The following PTPN14 variants were observed in gnomAD, a reference collection of about 807,000 sequenced individuals.
PTPN14 encodes tyrosine-protein phosphatase non-receptor type 14.
A neutral mutation model predicts 126.8 loss-of-function variants in PTPN14; 53 were observed. The ratio of observed to expected loss-of-function variants is 0.42; its 90% CI spans 0.34 to 0.53. PTPN14 has a LOEUF of 0.53. Among genes scored for constraint, PTPN14 ranks in the 20% least tolerant of loss-of-function variants. The pLI is 0.08. For synonymous variants in PTPN14, 630 were observed against 599.3 expected, an observed-to-expected ratio of 1.05 and a Z score of -0.75; for missense variants, 1,257 against 1,552.9, an observed-to-expected ratio of 0.81 and a Z score of 3.20.
intron 3 of PTPN14, among the ~76,000 whole-genome samples, chr1:214,419,774 C>G (rs941451676): frequency 1.3e-5 from 2 of 152,132 alleles, no homozygotes; most frequent in Non-Finnish European, 2.9e-5. Context: ...CTTAGATTGA[C>G]AGAGATACCC....
At chr1:214,405,658 C>T (rs74139868) in intron 5 of PTPN14, among the ~76,000 whole-genome samples, 3,561 of 150,350 alleles carry the variant, frequency 0.024, 148 homozygotes, top group African/African-American at 0.082. Flanking sequence ...ACACACTCTT[C>T]AACGGTCTTA....
intron 11 of PTPN14, among the ~76,000 whole-genome samples, chr1:214,389,246 A>G (rs1473171104): frequency 6.6e-6 from 1 of 152,242 alleles, no homozygotes; most frequent in Non-Finnish European, 1.5e-5. Context: ...AAAAAAAACC[A>G]ATAAGTAAGT....
At chr1:214,428,661 T>C (rs1659731734) in intron 3 of PTPN14, among the ~76,000 whole-genome samples, 2 of 152,194 alleles carry the variant, frequency 1.3e-5, no homozygotes. Flanking sequence ...AGATTAAGAA[T>C]GGCAAAGAGA....
At position 214,497,627 on chromosome 1, in the gene PTPN14, T is replaced by C. The variant is rs763882253; in HGVS notation, c.-154-32670A>G. Among the ~76,000 whole-genome samples, 13 of 145,328 alleles carry C rather than the reference T, an allele frequency of 8.9e-5. 1 individual carries two copies. Among genetic ancestry groups the C allele is most frequent in the African/African-American group, 7.7e-5 (3 of 39,122 alleles). ...AAGCCTATGGGACCTGGTGCAAAGG[T>C]ACAAAACATTTATAAGAACTAGAAT... On this transcript the variant is annotated intron_variant, in intron 1 of 18. Transcript: ENST00000366956.
At chr1:214,547,430 T>C (rs1427518916) in intron 1 of PTPN14, among the ~76,000 whole-genome samples, 1 of 152,226 alleles carries the variant, frequency 6.6e-6, no homozygotes, top group African/African-American at 2.4e-5. Flanking sequence ...TGTTCATTCC[T>C]TCTAACATTC....
intron 3 of PTPN14, among the ~76,000 whole-genome samples, chr1:214,433,766 T>C (rs907367521): frequency 1.3e-5 from 2 of 151,880 alleles, no homozygotes; most frequent in African/African-American, 4.8e-5. Flanking sequence ...TGTGGGTAAA[T>C]GGTACAAAGT....
intron 2 of PTPN14, among the ~76,000 whole-genome samples, chr1:214,459,306 C>T (rs1459804851): frequency 1.3e-5 from 2 of 151,858 alleles, no homozygotes; most frequent in Non-Finnish European, 2.9e-5. Flanking sequence ...GCATGCACCA[C>T]CTTGCCCGGG....
intron 1 of PTPN14, chr1:214,533,483 C>A: frequency 2.1e-6 from 1 of 470,192 alleles, no homozygotes. Context: ...CCAGCAGAAG[C>A]AGGGTACCCT....
intron 17 of PTPN14, among the ~76,000 whole-genome samples, chr1:214,367,993 A>G (rs11120305): frequency 0.47 from 72,127 of 151,918 alleles, 17,407 homozygotes; most frequent in Non-Finnish European, 0.52. Context: ...ACCACATTCT[A>G]AAAGTACACA....
chr1:214,450,484 AAAAAG>A (rs1302578673), intron 3 of PTPN14, among the ~76,000 whole-genome samples: 1 of 133,472 alleles, frequency 7.5e-6, no homozygotes, highest in Non-Finnish European at 1.7e-5. Flanking sequence ...ATTAAAAAAA[AAAAAG>A]AAAAAGAAAA....
intron 5 of PTPN14, among the ~76,000 whole-genome samples, 195 bp downstream of exon 5, chr1:214,411,489 T>C (rs1277380309): frequency 6.6e-6 from 1 of 152,092 alleles, no homozygotes; most frequent in Non-Finnish European, 1.5e-5. Context: ...AAAAAGAAAT[T>C]AGGGAAGTGT....
At chr1:214,465,294 T>C (rs567188739) in intron 1 of PTPN14, among the ~76,000 whole-genome samples, 2 of 152,300 alleles carry the variant, frequency 1.3e-5, no homozygotes, top group South Asian at 2.1e-4. Flanking sequence ...CGTTTTTCAC[T>C]ATGCAATGCT....
At chr1:214,418,847 A>T (rs952972622) in intron 3 of PTPN14, among the ~76,000 whole-genome samples, 1 of 152,228 alleles carries the variant, frequency 6.6e-6, no homozygotes, top group African/African-American at 2.4e-5. Flanking sequence ...AAGGAAGGGA[A>T]AGAAGACTGA....
intron 1 of PTPN14, among the ~76,000 whole-genome samples, chr1:214,519,226 G>T (rs2102454206): frequency 6.6e-6 from 1 of 152,232 alleles, no homozygotes; most frequent in South Asian, 2.1e-4. Flanking sequence ...CTGAGATCAT[G>T]ACACCGCACT....
At chr1:214,517,614 T>A (rs986736985) in intron 1 of PTPN14, among the ~76,000 whole-genome samples, 5 of 151,594 alleles carry the variant, frequency 3.3e-5, no homozygotes, top group African/African-American at 1.2e-4. Flanking sequence ...TGAGATGACA[T>A]GGAAAGAAAA....
At chr1:214,381,373 C>G (rs572636899) in intron 13 of PTPN14, among the ~76,000 whole-genome samples, 2 of 152,304 alleles carry the variant, frequency 1.3e-5, no homozygotes, top group Middle Eastern at 3.4e-3. Context: ...CATTTTCTAC[C>G]AATAAATTGC....
chr1:214,469,657 G>A (rs1422664877), intron 1 of PTPN14, among the ~76,000 whole-genome samples: 2 of 149,854 alleles, frequency 1.3e-5, no homozygotes, highest in African/African-American at 4.9e-5. Flanking sequence ...TATATTTACT[G>A]TAATTTTTTT....
At position 214,352,191 on chromosome 1, in the gene PTPN14, A is replaced by G. The variant is rs1657720547; in HGVS notation, c.*5731T>C. ...CTCTTCTTTACTGTACCAAACAACA[A>G]TCATTTTCCAGTCTATGAAATTGAT... On this transcript the variant is annotated 3_prime_UTR_variant, in exon 19 of 19. Transcript: ENST00000366956. 1 of 152,178 alleles carries G rather than the reference A, an allele frequency of 6.6e-6. No individual in the cohort carries two copies. The highest frequency in any genetic ancestry group is 6.5e-5 in the Admixed American group (1 of 15,286). 9.4% of individuals were successfully genotyped at this position (152,178 alleles called of 1,614,324 possible).
chr1:214,463,441 A>T (rs1478861915), intron 2 of PTPN14, among the ~76,000 whole-genome samples: 1 of 152,242 alleles, frequency 6.6e-6, no homozygotes, highest in Non-Finnish European at 1.5e-5. Flanking sequence ...CTGCACAGAA[A>T]AATATACCTA....
Sources: gnomAD v4.1 joint callset for allele counts (sites outside exome capture counted in the v4.1 genomes callset) on GRCh38, gnomAD v4.1.1 for gene constraint, MANE v1.5 for transcripts, NCBI Gene and HGNC (gene_info 2026-07-23, HGNC 2026-07-21) for gene names.